Variants in VSIG2 observed in about 807,000 individuals in gnomAD.
VSIG2 encodes V-set and immunoglobulin domain-containing protein 2.
Under a neutral mutation model 29.4 loss-of-function variants are expected in VSIG2, and 30 were observed. The ratio of observed to expected loss-of-function variants is 1.02; its 90% CI spans 0.76 to 1.38. VSIG2 has a LOEUF of 1.38. Ranked by LOEUF, VSIG2 falls within the 40% of genes most tolerant of loss-of-function variation. The pLI, the probability that VSIG2 is intolerant of heterozygous loss-of-function variation, is 0.00. For missense variants in VSIG2, 421 were observed against 400.8 expected, an observed-to-expected ratio of 1.05 and a Z score of -0.43; for synonymous variants, 178 against 174.2, an observed-to-expected ratio of 1.02 and a Z score of -0.17.
chr11:124,751,646 C>T, intron 1 of VSIG2, 66 bp from the exon 2 acceptor site: 1 of 1,470,974 alleles, frequency 6.8e-7, no homozygotes, highest in Non-Finnish European at 9.0e-7. Flanking sequence ...CGGGCCCACC[C>T]CCGGGCATCT....
chr11:124,751,681 C>T (rs1944088767), intron 1 of VSIG2, 101 bp from the exon 2 acceptor site: 2 of 1,277,548 alleles, frequency 1.6e-6, no homozygotes, highest in South Asian at 1.5e-5. Flanking sequence ...GGGCTCCCTC[C>T]CCAGAGCACA....
rs1027886536 is a variant in VSIG2, at chr11:124,748,779, G to A, written c.587-16C>T. 3 of 1,614,174 alleles carry A rather than the reference G, an allele frequency of 1.9e-6. No individual in the cohort carries two copies. The highest frequency in any genetic ancestry group is 2.5e-6 in the Non-Finnish European group (3 of 1,180,026). On this transcript the variant is annotated splice_polypyrimidine_tract_variant and intron_variant, in intron 4 of 6. Transcript: ENST00000326621. ...GACACCTCATCTAGAGGATGAAGAG[G>A]AAGTGTTCCACGACTCATTCAACTC...
At chr11:124,749,897 A>AAAAAAAAAACG (rs756621837) in intron 3 of VSIG2, 31 bp from the exon 4 acceptor site, 3 of 1,341,090 alleles carry the variant, frequency 2.2e-6, no homozygotes, top group Non-Finnish European at 3.0e-6. Context: ...AAAAAAAAAC[A>AAAAAAAAAACG]GAAAGTTCCT....
chr11:124,750,529 G>A (rs1253196520), intron 3 of VSIG2, among the ~76,000 whole-genome samples, 185 bp downstream of exon 3: 2 of 152,092 alleles, frequency 1.3e-5, no homozygotes, highest in Non-Finnish European at 2.9e-5. Flanking sequence ...GCTCTCGGTG[G>A]AGGGTGGAGT....
chr11:124,750,643 T>A, intron 3 of VSIG2, 71 bp downstream of exon 3: 1 of 1,517,794 alleles, frequency 6.6e-7, no homozygotes, highest in South Asian at 1.2e-5. Flanking sequence ...ACCAGAGATT[T>A]AGCAAGACCA....
chr11:124,749,943 G>C (rs1199028273), intron 3 of VSIG2, 77 bp from the exon 4 acceptor site: 2 of 1,422,804 alleles, frequency 1.4e-6, no homozygotes, highest in African/African-American at 1.5e-5. Context: ...ACTCCATTAG[G>C]TGCTACATTC....
At chr11:124,751,279 G>T in intron 2 of VSIG2, 144 bp downstream of exon 2, 1 of 973,240 alleles carries the variant, frequency 1.0e-6, no homozygotes, top group Non-Finnish European at 1.5e-6. Context: ...GCAGACTGCA[G>T]CTCTGAAAAG....
At chr11:124,749,893 A>AAAC (rs1944065263) in intron 3 of VSIG2, 27 bp from the exon 4 acceptor site, 3 of 1,524,206 alleles carry the variant, frequency 2.0e-6, no homozygotes, top group African/African-American at 1.4e-5. Flanking sequence ...AAAAAAAAAA[A>AAAC]AACAGAAAGT....
Position 124,748,503 on chromosome 11 carries a change from CAG to C in VSIG2, c.736_737del (p.Leu246AspfsTer35). 6.2e-7 allele frequency: 1 copy of C among 1,614,214 alleles called. No individual in the cohort carries two copies. The highest frequency in any genetic ancestry group is 8.5e-7 in the Non-Finnish European group (1 of 1,180,036). On this transcript the variant is annotated frameshift_variant, in exon 6 of 7. Coordinates refer to ENST00000326621, the MANE Select transcript of VSIG2 (RefSeq NM_014312.5). LOFTEE classifies it high-confidence loss of function. ...ACAGCACGCCCAGGAGCACCCCAAT[CAG>C]AGCTCCGGCCACTCGGCCTTGGGAG... Reference protein sequence around the residue: ...EPSQGRVAGALIGVLLGVLLL... With the variant: ...EPSQGRVAGAXIGVLLGVLLL...
Position 124,752,061 on chromosome 11 carries a change from C to G in VSIG2, c.61+16G>C. The G allele has an allele frequency of 6.3e-7, 1 of 1,598,156 alleles. No homozygotes were observed. The highest frequency in any genetic ancestry group is 1.1e-5 in the South Asian group (1 of 89,514). On this transcript the variant is annotated intron_variant, in intron 1 of 6. Transcript: ENST00000326621. Reference sequence around the variant, plus strand: ...CCCCCCAGCCCTCGCCGTGGTCCCGCCCGGCCCCTCCTCACCACTCAGGCA... The same window carrying G: ...CCCCCCAGCCCTCGCCGTGGTCCCGGCCGGCCCCTCCTCACCACTCAGGCA...
rs762379538 is a variant in VSIG2, at chr11:124,749,858, T to TG, written c.435dup (p.Ser146GlnfsTer2). 1.3e-4 allele frequency: 95 copies of TG among 707,770 alleles called. No homozygotes were observed. The African/African-American group carries it at 3.4e-3, about 25-fold the overall frequency. 43.8% of individuals were successfully genotyped at this position (707,770 alleles called of 1,614,324 possible). On this transcript the variant is annotated frameshift_variant, in exon 4 of 7. Coordinates refer to ENST00000326621, the MANE Select transcript of VSIG2 (RefSeq NM_014312.5). LOFTEE classifies it high-confidence loss of function. ...CCACTCTGACTGCATAAGGGATTAC[T>TG]GGGGGGAACTGCAAAAAAAAAAAAA...
intron 4 of VSIG2, 52 bp downstream of exon 4, chr11:124,749,656 C>A: frequency 5.7e-6 from 9 of 1,584,260 alleles, no homozygotes; most frequent in Non-Finnish European, 7.7e-6. Context: ...GATTTAGAGA[C>A]CAGATTTGCC....
intron 6 of VSIG2, 67 bp from the exon 7 acceptor site, chr11:124,747,734 C>A (rs533781854): frequency 6.6e-7 from 1 of 1,504,380 alleles, no homozygotes; most frequent in African/African-American, 1.4e-5. Context: ...CGTCCTCTAA[C>A]CTGGGGACTC....
intron 6 of VSIG2, chr11:124,748,054 G>C (rs1473522142): frequency 5.6e-6 from 2 of 355,124 alleles, no homozygotes; most frequent in Non-Finnish European, 1.0e-5. Context: ...TCCATTTCCT[G>C]GCATCTACAA....
At chr11:124,749,988 T>C (rs1481478451) in intron 3 of VSIG2, 122 bp from the exon 4 acceptor site, 1 of 1,133,476 alleles carries the variant, frequency 8.8e-7, no homozygotes, top group East Asian at 2.7e-5. Context: ...AGTGGTCCTC[T>C]TGGGTCCACA....
In VSIG2 at chr11:124,749,771, G is replaced by T; in HGVS notation, c.523C>A (p.Pro175Thr). The change falls in exon 4 of 7, where the codon CCA (proline) becomes ACA (threonine). Residue 175 changes from proline to threonine, a missense_variant. Physicochemically the swap from Pro to Thr is conservative, Grantham distance 38. Coordinates refer to ENST00000326621, the MANE Select transcript of VSIG2 (RefSeq NM_014312.5). ...CCAAGACGCACCCAGTTGTACACTG[G>T]CTTAGGAGCCCCCTCGGAAGAGCTG... ...RCSSSEGAPK[P>T]VYNWVRLGTF... The T allele has an allele frequency of 1.9e-6, 3 of 1,611,500 alleles. No individual in the cohort carries two copies. The highest frequency in any genetic ancestry group is 2.5e-6 in the Non-Finnish European group (3 of 1,179,126).
At chr11:124,750,336 A>G (rs1944069871) in intron 3 of VSIG2, among the ~76,000 whole-genome samples, 1 of 152,192 alleles carries the variant, frequency 6.6e-6, no homozygotes, top group Non-Finnish European at 1.5e-5. Flanking sequence ...GGTGCTCAGT[A>G]ATAGGGGCCC....
At position 124,748,390 on chromosome 11, in the gene VSIG2, C is replaced by T. The variant is rs372244982; in HGVS notation, c.851G>A (p.Arg284Gln). ...GCCACCCCCCAGCCCTCCTGCTCAC[C>T]GAAGGTCACTACCCCCATATGTCTC... is the stretch of plus-strand genomic sequence containing the variant. Reference protein sequence around the residue: ...PKETYGGSDLREDAIAPGISE... With the variant: ...PKETYGGSDLQEDAIAPGISE... The change falls in exon 6 of 7, where the codon CGG becomes CAG. Residue 284 changes from arginine to glutamine, a missense_variant and splice_region_variant. Coordinates refer to ENST00000326621, the MANE Select transcript of VSIG2 (RefSeq NM_014312.5). 8.2e-5 allele frequency: 132 copies of T among 1,607,388 alleles called. 1 individual carries two copies. In the South Asian group the frequency reaches 8.8e-4, roughly 11 times the overall value.
chr11:124,752,017 C>T, intron 1 of VSIG2, 60 bp downstream of exon 1: 11 of 1,492,996 alleles, frequency 7.4e-6, no homozygotes, highest in Non-Finnish European at 9.7e-6. Context: ...TCCGAGGAGC[C>T]GGGGAAGCCA....
Sources: gnomAD v4.1 joint callset for allele counts (sites outside exome capture counted in the v4.1 genomes callset) on GRCh38, gnomAD v4.1.1 for gene constraint, MANE v1.5 for transcripts, NCBI Gene and HGNC (gene_info 2026-07-23, HGNC 2026-07-21) for gene names.